The following KHDRBS2 variants were observed in gnomAD, a reference collection of about 807,000 sequenced individuals.
KHDRBS2 encodes the protein KH RNA binding domain containing, signal transduction associated 2, also known as KH domain-containing, RNA-binding, signal transduction-associated protein 2.
KHDRBS2 carries 26 observed loss-of-function variants against 44.3 expected under a neutral mutation model. The observed-to-expected ratio is 0.59, with a 90% CI of 0.43 to 0.81. KHDRBS2 has a LOEUF of 0.81. KHDRBS2 is among the 40% of genes least tolerant of loss of function. The probability of loss-of-function intolerance (pLI) is 0.00; values close to 1 mark genes in which losing one functional copy is unlikely to be tolerated. For synonymous variants in KHDRBS2, 194 were observed against 151.1 expected, an observed-to-expected ratio of 1.28 and a Z score of -2.08; for missense variants, 476 against 433.1, an observed-to-expected ratio of 1.10 and a Z score of -0.88.
intron 7 of KHDRBS2, among the ~76,000 whole-genome samples, chr6:61,718,163 T>C (rs1186668446): frequency 9.2e-5 from 14 of 152,096 alleles, no homozygotes; most frequent in African/African-American, 3.1e-4. Flanking sequence ...TTAGCTATTA[T>C]AAACTGATAG....
rs398001756 is a variant in KHDRBS2, at chr6:62,059,198, G to GTTTTTTTTTTTTTTTTTTTTTTTTTT, written c.220-11230_220-11205dup. Among the ~76,000 whole-genome samples, 35 of 24,884 alleles carry GTTTTTTTTTTTTTTTTTTTTTTTTTT rather than the reference G, an allele frequency of 1.4e-3. 13 individuals carry two copies. Among genetic ancestry groups the GTTTTTTTTTTTTTTTTTTTTTTTTTT allele is most frequent in the African/African-American group, 1.9e-3 (17 of 9,036 alleles). The allele number at this position is 24,884 out of a possible 152,430, so 16.3% of individuals were successfully genotyped here. ...TATTTCCACATAGAAAAGTTAGGAA[G>GTTTTTTTTTTTTTTTTTTTTTTTTTT]TTTTTTTTTTTTTTTTTTTTTTTTT... On this transcript the variant is annotated intron_variant, in intron 2 of 8. Transcript: ENST00000281156.
the KHDRBS2 span, among the ~76,000 whole-genome samples, chr6:61,621,104 T>G: frequency 6.6e-6 from 1 of 152,164 alleles, no homozygotes; most frequent in African/African-American, 2.4e-5. Context: ...GGGACTACAT[T>G]GCTTACTGCC....
At chr6:61,893,901 TA>T (rs201415389) in intron 6 of KHDRBS2, among the ~76,000 whole-genome samples, 5,244 of 142,446 alleles carry the variant, frequency 0.037, 177 homozygotes, top group African/African-American at 0.089. Flanking sequence ...AGTATAATAA[TA>T]AAAAAAAAAA....
chr6:62,201,978 T>G (rs12191151), intron 1 of KHDRBS2, among the ~76,000 whole-genome samples: 37,104 of 151,872 alleles, frequency 0.24, 4,904 homozygotes, highest in Middle Eastern at 0.4. Context: ...TAAATAACCT[T>G]TAGGGTTGAA....
chr6:61,655,225 T>TACACAC, the KHDRBS2 span, among the ~76,000 whole-genome samples: 3,513 of 145,248 alleles, frequency 0.024, 75 homozygotes, highest in African/African-American at 0.06. Context: ...CATACATACA[T>TACACAC]ACACACACAC....
chr6:62,263,214 CA>C lies in KHDRBS2; in HGVS notation c.91+22643del, dbSNP rs557984845. ...CACATTCAGTGCTATGAAATTTTCACAAAAAATACCACTTACTTTCTAATTT... is the reference window on the plus strand; with the variant it reads ...CACATTCAGTGCTATGAAATTTTCACAAAAATACCACTTACTTTCTAATTT... On this transcript the variant is annotated intron_variant, in intron 1 of 8. Transcript: ENST00000281156. 4.6e-3 allele frequency among the ~76,000 whole-genome samples: 693 copies of C among 151,736 alleles called. 7 individuals are homozygous for C. Among genetic ancestry groups the C allele is most frequent in the African/African-American group, 0.016 (659 of 41,502 alleles).
At chr6:62,034,133 A>G (rs1219007311) in intron 3 of KHDRBS2, among the ~76,000 whole-genome samples, 4 of 151,826 alleles carry the variant, frequency 2.6e-5, no homozygotes, top group African/African-American at 4.8e-5. Flanking sequence ...TCCCAAACCT[A>G]AAAAGACCAA....
chr6:61,582,134 G>A, the KHDRBS2 span, among the ~76,000 whole-genome samples: 87 of 151,848 alleles, frequency 5.7e-4, no homozygotes, highest in African/African-American at 2.0e-3. Context: ...TATATTAAAA[G>A]TAAAAGTGAA....
the KHDRBS2 span, among the ~76,000 whole-genome samples, chr6:61,559,827 A>G: frequency 6.6e-6 from 1 of 152,206 alleles, no homozygotes; most frequent in African/African-American, 2.4e-5. Flanking sequence ...GTCTTTCTGC[A>G]TAACATATGA....
chr6:61,998,910 A>G (rs1219722639), intron 3 of KHDRBS2, among the ~76,000 whole-genome samples: 1 of 152,060 alleles, frequency 6.6e-6, no homozygotes, highest in Admixed American at 6.6e-5. Flanking sequence ...TACATATCAC[A>G]CATATACACA....
At chr6:61,930,456 A>C (rs1343397844) in intron 4 of KHDRBS2, among the ~76,000 whole-genome samples, 1 of 142,998 alleles carries the variant, frequency 7.0e-6, no homozygotes, top group Non-Finnish European at 1.5e-5. Flanking sequence ...ACTTCTAGTT[A>C]TCACTGTGTG....
At chr6:61,660,484 T>A in the KHDRBS2 span, among the ~76,000 whole-genome samples, 1 of 151,790 alleles carries the variant, frequency 6.6e-6, no homozygotes, top group South Asian at 2.1e-4. Flanking sequence ...CAATTTCCTA[T>A]CTCATTAAGC....
chr6:62,060,208 C>T (rs541003258), intron 2 of KHDRBS2, among the ~76,000 whole-genome samples: 1 of 151,794 alleles, frequency 6.6e-6, no homozygotes, highest in South Asian at 2.1e-4. Context: ...AATATTCAGG[C>T]ACTTATTGAC....
intron 6 of KHDRBS2, among the ~76,000 whole-genome samples, chr6:61,747,177 T>C (rs1407384149): frequency 6.6e-6 from 1 of 152,144 alleles, no homozygotes; most frequent in African/African-American, 2.4e-5. Flanking sequence ...TTTTAGGACA[T>C]GAGAAACCAA....
chr6:61,915,262 T>C (rs150201185), intron 4 of KHDRBS2, among the ~76,000 whole-genome samples: 4 of 152,122 alleles, frequency 2.6e-5, no homozygotes, highest in Non-Finnish European at 2.9e-5. Context: ...AAGACTCTTA[T>C]AACAATCCAG....
At chr6:61,617,902 AT>A in the KHDRBS2 span, among the ~76,000 whole-genome samples, 4 of 152,274 alleles carry the variant, frequency 2.6e-5, no homozygotes, top group Non-Finnish European at 5.9e-5. Flanking sequence ...TAACATAAAA[AT>A]TTTTTTAAAG....
intron 2 of KHDRBS2, among the ~76,000 whole-genome samples, chr6:62,163,936 GT>G: frequency 6.6e-6 from 1 of 151,878 alleles, no homozygotes; most frequent in East Asian, 1.9e-4. Flanking sequence ...ATTTTACAAT[GT>G]TTTAAAGTTA....
At chr6:62,234,310 C>T (rs1351028662) in intron 1 of KHDRBS2, among the ~76,000 whole-genome samples, 2 of 152,024 alleles carry the variant, frequency 1.3e-5, no homozygotes, top group African/African-American at 4.8e-5. Context: ...TCCCTTCGTG[C>T]AATATAGGTT....
chr6:61,804,716 C>T (rs1786856907), intron 6 of KHDRBS2, among the ~76,000 whole-genome samples: 1 of 152,194 alleles, frequency 6.6e-6, no homozygotes, highest in African/African-American at 2.4e-5. Flanking sequence ...TGGCTTGCAC[C>T]CTCTGAAGCA....
Sources: allele counts gnomAD v4.1 joint callset (sites outside exome capture counted in the v4.1 genomes callset), GRCh38; gene constraint gnomAD v4.1.1; transcripts MANE v1.5; gene names NCBI Gene and HGNC (gene_info 2026-07-23, HGNC 2026-07-21).